The following PAQR9 variants were observed in gnomAD, a reference collection of about 807,000 sequenced individuals.
PAQR9 encodes progestin and adipoQ receptor family member 9.
PAQR9 carries 12 observed loss-of-function variants against 24.0 expected under a neutral mutation model. That is an observed-to-expected ratio of 0.50 (90% confidence interval 0.32 to 0.81). The LOEUF is 0.81. PAQR9 is among the 30% of genes least tolerant of loss of function. PAQR9 has a pLI of 0.03. For synonymous variants in PAQR9, 266 were observed against 237.6 expected (o/e 1.12, Z -1.10); for missense variants, 418 against 520.8 (o/e 0.80, Z 1.92).
downstream of PAQR9, chr3:142,951,637 C>T: frequency 2.2e-6 from 1 of 451,086 alleles, no homozygotes; most frequent in Admixed American, 2.4e-5. Flanking sequence ...GGAGTGGACT[C>T]AAGGTTTTCT....
downstream of PAQR9, chr3:142,950,646 AT>A: frequency 2.8e-6 from 1 of 353,132 alleles, no homozygotes. Context: ...AACTCAGAGA[AT>A]TATATGAAGA....
chr3:142,961,103 A>G lies in PAQR9; in HGVS notation c.*1100T>C, dbSNP rs1023216922. On this transcript the variant is annotated 3_prime_UTR_variant, in exon 1 of 1. Coordinates refer to ENST00000340634, the MANE Select transcript of PAQR9 (RefSeq NM_198504.4). ...CCTGTAAGCTATCTCCAATCCCACC[A>G]AAAACTTGAAACCAACACCATCTTC... 4 of 152,538 alleles carry G rather than the reference A, an allele frequency of 2.6e-5. No homozygotes were observed. The highest frequency in any genetic ancestry group is 5.9e-5 in the Non-Finnish European group (4 of 68,088). 9.4% of individuals were successfully genotyped at this position (152,538 alleles called of 1,614,324 possible).
chr3:142,963,948 G>A, upstream of PAQR9: 1 of 929,236 alleles, frequency 1.1e-6, no homozygotes, highest in Non-Finnish European at 1.3e-6. Flanking sequence ...CGCGCGCCGA[G>A]TACTAGAGTC....
chr3:142,951,745 T>C, downstream of PAQR9: 2 of 456,632 alleles, frequency 4.4e-6, no homozygotes, highest in South Asian at 3.1e-5. Context: ...TATACCGGTA[T>C]AGATGCTCTA....
chr3:142,953,268 G>A (rs572684564), downstream of PAQR9, among the ~76,000 whole-genome samples: 1 of 152,228 alleles, frequency 6.6e-6, no homozygotes, highest in African/African-American at 2.4e-5. Flanking sequence ...CCTGAATGAA[G>A]GGAATTCCCT....
At position 142,954,590 on chromosome 3, in the gene PAQR9, T is replaced by G. The variant is rs1460662238; in HGVS notation, c.*7613A>C. On this transcript the variant is annotated 3_prime_UTR_variant, in exon 1 of 1. Transcript: ENST00000340634. ...ATGTGTACGATCCTAAACACTGTGC[T>G]TACAAATAATTTATTCTTATTTCAT... 2.0e-5 allele frequency among the ~76,000 whole-genome samples: 3 copies of G among 152,234 alleles called. No individual in the cohort carries two copies. Among genetic ancestry groups the G allele is most frequent in the Non-Finnish European group, 4.4e-5 (3 of 68,044 alleles).
chr3:142,959,509 G>A lies in PAQR9; in HGVS notation c.*2694C>T, dbSNP rs554293417. ...GGTCTACAAAATCTAAGATGGAATA[G>A]GAAAGAACAGTGGACGAAGGAAAAG... is the stretch of plus-strand genomic sequence containing the variant. On this transcript the variant is annotated 3_prime_UTR_variant, in exon 1 of 1. Transcript: ENST00000340634. 1.3e-5 allele frequency among the ~76,000 whole-genome samples: 2 copies of A among 152,264 alleles called. No individual in the cohort carries two copies. Among genetic ancestry groups the A allele is most frequent in the Admixed American group, 6.5e-5 (1 of 15,292 alleles).
rs936013871 is a variant in PAQR9 at position 142,963,518 on chromosome 3, G to T, written c.-182C>A. 12 of 1,011,754 alleles carry T rather than the reference G, an allele frequency of 1.2e-5. No individual in the cohort carries two copies. The African/African-American group carries it at 1.4e-4, about 12-fold the overall frequency. The allele number at this position is 1,011,754 out of a possible 1,614,324, so 62.7% of individuals were successfully genotyped here. On this transcript the variant is annotated 5_prime_UTR_variant, in exon 1 of 1. Transcript: ENST00000340634. The stretch of plus-strand genomic sequence containing the variant: ...CTAAAAATTAAATAAATCAATAAGA[G>T]AATCAATTAATAGGCAGCGCTGCGA...
rs140274260 is a variant in PAQR9, at chr3:142,961,937, A to G, written c.*266T>C. The G allele has an allele frequency of 1.7e-5, 8 of 457,168 alleles. No individual in the cohort carries two copies. The East Asian group carries it at 1.8e-4, about 10-fold the overall frequency. The allele number at this position is 457,168 out of a possible 1,614,324, so 28.3% of individuals were successfully genotyped here. A position where few individuals can be genotyped will look rare whatever the true frequency, so the allele number is the denominator to read the frequency against. On this transcript the variant is annotated 3_prime_UTR_variant, in exon 1 of 1. Coordinates refer to ENST00000340634, the MANE Select transcript of PAQR9 (RefSeq NM_198504.4). Reference sequence around the variant, plus strand: ...CTCACTGCCTTTGAGAAATCCCTGGATGTCAAAGACATCACCTGAATTTTT... The same window carrying G: ...CTCACTGCCTTTGAGAAATCCCTGGGTGTCAAAGACATCACCTGAATTTTT...
chr3:142,950,206 C>G (rs1213245180), downstream of PAQR9: 2 of 152,642 alleles, frequency 1.3e-5, no homozygotes, highest in African/African-American at 4.8e-5. Context: ...CATGCTTGCT[C>G]TGTTTCTTCA....
chr3:142,955,945 T>C lies in PAQR9; in HGVS notation c.*6258A>G, dbSNP rs118077254. The stretch of plus-strand genomic sequence containing the variant: ...CATTTTTAAAGACCTACTAGGTCTT[T>C]ATCATTTGAGTAAGAGCTCAAGGTG... On this transcript the variant is annotated 3_prime_UTR_variant, in exon 1 of 1. Coordinates refer to ENST00000340634, the MANE Select transcript of PAQR9 (RefSeq NM_198504.4). Among the ~76,000 whole-genome samples, 3,662 of 152,326 alleles carry C rather than the reference T, an allele frequency of 0.024. 52 individuals are homozygous for C. The highest frequency in any genetic ancestry group is 0.092 in the Middle Eastern group (27 of 294).
chr3:142,962,184 T>G lies in PAQR9; in HGVS notation c.*19A>C. On this transcript the variant is annotated 3_prime_UTR_variant, in exon 1 of 1. Transcript: ENST00000340634. ...TCCAAACAGATGGGCGAACCAGTAG[T>G]CTCCTCCAAGGCGGAGGCTCACTTT... 6.2e-7 allele frequency: 1 copy of G among 1,605,194 alleles called. No homozygotes were observed. Among genetic ancestry groups the G allele is most frequent in the Non-Finnish European group, 8.5e-7 (1 of 1,174,796 alleles).
chr3:142,963,659 C>A lies in PAQR9; in HGVS notation c.-323G>T, dbSNP rs898214369. 1.6e-6 allele frequency: 1 copy of A among 628,038 alleles called. No homozygotes were observed. Among genetic ancestry groups the A allele is most frequent in the South Asian group, 7.0e-5 (1 of 14,242 alleles). 38.9% of individuals were successfully genotyped at this position (628,038 alleles called of 1,614,324 possible). A position where few individuals can be genotyped will look rare whatever the true frequency, so the allele number is the denominator to read the frequency against. On this transcript the variant is annotated 5_prime_UTR_variant, in exon 1 of 1. Coordinates refer to ENST00000340634, the MANE Select transcript of PAQR9 (RefSeq NM_198504.4). ...GCGGCGCGGCTGACTGCGGCGGCAG[C>A]GCGGCAGCGGTGACTGGGCATCGCG...
At chr3:142,951,535 T>C (rs1397037588), downstream of PAQR9, 12 of 359,330 alleles carry the variant, frequency 3.3e-5, no homozygotes, top group African/African-American at 6.5e-5. Flanking sequence ...TGGGGTCAAT[T>C]GCAGACAACA....
rs753780522 is a variant in PAQR9, at chr3:142,963,234, G to C, written c.103C>G (p.Arg35Gly). 3.9e-6 allele frequency: 6 copies of C among 1,547,578 alleles called. No individual in the cohort carries two copies. The highest frequency in any genetic ancestry group is 1.2e-5 in the South Asian group (1 of 84,428). ...AARNSHSAAS[R>G]DPPASAKPLL... is the part of the protein sequence containing the mutation. ...GGCTTGGCAGACGCTGGGGGGTCCC[G>C]GGAGGCGGCAGAGTGGGAGTTCCGG... Residue 35 changes from arginine (R) to glycine (G), a missense_variant, in exon 1 of 1, where the codon CGG (arginine) becomes GGG (glycine). Arg to Gly is a moderately radical substitution (Grantham distance 125, BLOSUM62 -2). Coordinates refer to ENST00000340634, the MANE Select transcript of PAQR9 (RefSeq NM_198504.4).
chr3:142,963,932 GCGGCGCGCGCGCCGAGTACTAGAGT>G, upstream of PAQR9: 1 of 971,400 alleles, frequency 1.0e-6, no homozygotes. Context: ...CGGCGACGCG[GCGGCGCGCGCGCCGAGTACTAGAGT>G]CGGCCCTGGG....
In PAQR9 at chr3:142,963,659, C is replaced by T; in HGVS notation, c.-323G>A. On this transcript the variant is annotated 5_prime_UTR_variant, in exon 1 of 1. Transcript: ENST00000340634. Reference sequence around the variant, plus strand: ...GCGGCGCGGCTGACTGCGGCGGCAGCGCGGCAGCGGTGACTGGGCATCGCG... The same window carrying T: ...GCGGCGCGGCTGACTGCGGCGGCAGTGCGGCAGCGGTGACTGGGCATCGCG... The T allele has an allele frequency of 1.6e-6, 1 of 628,038 alleles. No homozygotes were observed. The highest frequency in any genetic ancestry group is 2.0e-6 in the Non-Finnish European group (1 of 505,936). The allele number at this position is 628,038 out of a possible 1,614,324, so 38.9% of individuals were successfully genotyped here.
chr3:142,960,572 A>G lies in PAQR9; in HGVS notation c.*1631T>C, dbSNP rs571918818. 202 of 152,394 alleles carry G rather than the reference A, an allele frequency of 1.3e-3. No homozygotes were observed. The highest frequency in any genetic ancestry group is 4.4e-3 in the African/African-American group (185 of 41,576). The allele number at this position is 152,394 out of a possible 1,614,324, so 9.4% of individuals were successfully genotyped here. ...GCACACATGTCTCCAAACAAAACAA[A>G]ACAAAAAAAACTCCCAATCAATGAC... On this transcript the variant is annotated 3_prime_UTR_variant, in exon 1 of 1. Transcript: ENST00000340634.
Position 142,963,134 on chromosome 3 carries a change from C to G in PAQR9, c.203G>C (p.Cys68Ser). Residue 68 changes from cysteine (C) to serine (S), a missense_variant, in exon 1 of 1, where the codon TGC becomes TCC. By Grantham distance (112) the Cys-to-Ser change is moderately radical. This residue lies in a region of PAQR9 where 180 missense variants were observed against 190.3 expected (regional missense o/e 0.95). Transcript: ENST00000340634. ...CGAGGCTAGGCACTCCTGGGCCGTGCACGGCAGACGCCGGTAGCCCGACAG... is the reference window on the plus strand; with the variant it reads ...CGAGGCTAGGCACTCCTGGGCCGTGGACGGCAGACGCCGGTAGCCCGACAG... ...FILSGYRRLP[C>S]TAQECLASVL... 1 of 1,611,722 alleles carries G rather than the reference C, an allele frequency of 6.2e-7. No homozygotes were observed. Among genetic ancestry groups the G allele is most frequent in the Non-Finnish European group, 8.5e-7 (1 of 1,178,896 alleles).
Sources: gnomAD v4.1 joint callset for allele counts (sites outside exome capture counted in the v4.1 genomes callset) on GRCh38, gnomAD v4.1.1 for gene constraint, gnomAD v4.1.1 regional missense constraint, MANE v1.5 for transcripts, NCBI Gene and HGNC (gene_info 2026-07-23, HGNC 2026-07-21) for gene names.